MTHFD1L: variants seen among roughly 807,000 people sequenced by gnomAD.
MTHFD1L encodes the protein methylenetetrahydrofolate dehydrogenase (NADP+ dependent) 1 like.
A neutral mutation model predicts 119.5 loss-of-function variants in MTHFD1L; 81 were observed. The observed-to-expected ratio is 0.68, with a 90% CI of 0.57 to 0.82. The LOEUF is 0.82. MTHFD1L is among the 40% of genes least tolerant of loss of function. MTHFD1L has a pLI of 0.00. For missense variants in MTHFD1L, 1,125 were observed against 1,253.4 expected (o/e 0.90, Z 1.55); for synonymous variants, 430 against 475.2 (o/e 0.90, Z 1.24).
rs1485227762 is a variant in MTHFD1L, at chr6:151,092,453, G to A, written c.2848-14G>A. The A allele has an allele frequency of 1.2e-6, 2 of 1,604,432 alleles. No individual in the cohort carries two copies. Among genetic ancestry groups the A allele is most frequent in the Non-Finnish European group, 1.7e-6 (2 of 1,176,164 alleles). On this transcript the variant is annotated splice_polypyrimidine_tract_variant and intron_variant, in intron 26 of 27. Coordinates refer to ENST00000367321, the MANE Select transcript of MTHFD1L (RefSeq NM_015440.5). ...AGCATTTGCTAATCTGTAACGCTTG[G>A]TTTTCTCCCCCAGATGAGCACCATG...
chr6:151,094,687 G>T (rs532188934), intron 27 of MTHFD1L, among the ~76,000 whole-genome samples: 2 of 152,036 alleles, frequency 1.3e-5, no homozygotes, highest in Admixed American at 6.6e-5. Context: ...GGGATTACAG[G>T]CGTCCACCAC....
At chr6:150,912,724 C>G (rs537139126) in intron 8 of MTHFD1L, 1 of 513,406 alleles carries the variant, frequency 1.9e-6, no homozygotes, top group Non-Finnish European at 4.0e-6. Context: ...ATTGACTTGT[C>G]CCTGGAGAAA....
chr6:150,948,260 G>T (rs560028765), intron 15 of MTHFD1L, among the ~76,000 whole-genome samples: 2 of 151,534 alleles, frequency 1.3e-5, no homozygotes, highest in African/African-American at 4.8e-5. Context: ...GCCCACCTCC[G>T]CCTCCCAAAG....
rs540616489 is a variant in MTHFD1L, at chr6:150,989,608, A to G, written c.2125+17550A>G. Among the ~76,000 whole-genome samples, 5 of 152,300 alleles carry G rather than the reference A, an allele frequency of 3.3e-5. No homozygotes were observed. In the East Asian group the frequency reaches 9.6e-4, roughly 29 times the overall value. ...ATGTCAATAGTTTTCTTTTTTTGTT[A>G]GCCATAAATACATACTGTAATAGAG... On this transcript the variant is annotated intron_variant, in intron 20 of 27. Coordinates refer to ENST00000367321, the MANE Select transcript of MTHFD1L (RefSeq NM_015440.5).
At chr6:151,050,976 A>G (rs1334838566) in intron 26 of MTHFD1L, among the ~76,000 whole-genome samples, 1 of 152,118 alleles carries the variant, frequency 6.6e-6, no homozygotes, top group African/African-American at 2.4e-5. Flanking sequence ...GTCTTGTTCA[A>G]GGATTTTTGT....
chr6:150,993,160 T>TGCC (rs1288664322), intron 20 of MTHFD1L, among the ~76,000 whole-genome samples: 22 of 152,200 alleles, frequency 1.4e-4, no homozygotes, highest in Non-Finnish European at 8.8e-5. Flanking sequence ...AGTAGATTGT[T>TGCC]TTTACTTTTC....
rs199978377 is a variant in MTHFD1L, at chr6:150,876,171, C to T, written c.309C>T (p.Ile103=). ...NPAFKPVLAI[I]QAGDDNLMQE... ...CCTTCAAGCCGGTTCTTGCAATTAT[C>T]CAGGTAAGCCGAGAACAAGGTTCAG... The change falls in exon 2 of 28, where the codon ATC becomes ATT. Residue 103 remains isoleucine (I), a synonymous_variant. Coordinates refer to ENST00000367321, the MANE Select transcript of MTHFD1L (RefSeq NM_015440.5). 4.5e-5 allele frequency: 72 copies of T among 1,585,510 alleles called. No individual in the cohort carries two copies. In the Middle Eastern group the frequency reaches 9.5e-4, roughly 21 times the overall value.
rs764749026 is a variant in MTHFD1L at position 151,094,566 on chromosome 6, CAG to C, written c.*31+1982_*31+1983del. The stretch of plus-strand genomic sequence containing the variant: ...TATTTATGTATTTATTTATTTGCGA[CAG>C]AGTCTTACTCTGTTGCCAAGGCTGG... On this transcript the variant is annotated intron_variant, in intron 27 of 27. Transcript: ENST00000367321. 4.6e-5 allele frequency among the ~76,000 whole-genome samples: 7 copies of C among 151,920 alleles called. No homozygotes were observed. The East Asian group carries it at 5.8e-4, about 13-fold the overall frequency.
chr6:150,915,153 C>T (rs1787636844), intron 8 of MTHFD1L, among the ~76,000 whole-genome samples: 1 of 152,192 alleles, frequency 6.6e-6, no homozygotes, highest in Non-Finnish European at 1.5e-5. Flanking sequence ...TAAACCAATC[C>T]TGTCCAAACC....
Position 151,039,438 on chromosome 6 carries a change from A to G in MTHFD1L, c.2847+2321A>G, listed in dbSNP as rs1292576022. The stretch of plus-strand genomic sequence containing the variant: ...TGGCTATATACATTCTTCCAGACTC[A>G]TAGACCTATTCACGTGTGTTGCCCA... On this transcript the variant is annotated intron_variant, in intron 26 of 27. Coordinates refer to ENST00000367321, the MANE Select transcript of MTHFD1L (RefSeq NM_015440.5). This position sits in a 1 kb window ranked among gnomAD's most constrained non-coding sequence, Gnocchi z 4.4. Among the ~76,000 whole-genome samples, 1 of 152,150 alleles carries G rather than the reference A, an allele frequency of 6.6e-6. No individual in the cohort carries two copies. Among genetic ancestry groups the G allele is most frequent in the African/African-American group, 2.4e-5 (1 of 41,432 alleles).
intron 26 of MTHFD1L, among the ~76,000 whole-genome samples, chr6:151,076,532 T>C (rs1225376185): frequency 6.6e-6 from 1 of 151,386 alleles, no homozygotes; most frequent in Non-Finnish European, 1.5e-5. Context: ...ACGCCTGTAA[T>C]CCCAGCTACT....
intron 7 of MTHFD1L, among the ~76,000 whole-genome samples, chr6:150,902,131 T>C (rs1294264970): frequency 6.6e-6 from 1 of 152,184 alleles, no homozygotes; most frequent in Non-Finnish European, 1.5e-5. Flanking sequence ...ATGCATTTTA[T>C]TTGCTAAATA....
intron 26 of MTHFD1L, chr6:151,042,119 C>G (rs1478885549): frequency 2.2e-5 from 5 of 230,210 alleles, no homozygotes; most frequent in Non-Finnish European, 3.5e-5. Context: ...AACTGAAGCC[C>G]CCAGCACAAG....
At chr6:150,959,678 G>A (rs1796149118) in intron 17 of MTHFD1L, among the ~76,000 whole-genome samples, 1 of 152,218 alleles carries the variant, frequency 6.6e-6, no homozygotes, top group Non-Finnish European at 1.5e-5. Flanking sequence ...TGGGAAAGTA[G>A]CCTCACATGC....
At chr6:151,062,321 C>T (rs551742070) in intron 26 of MTHFD1L, among the ~76,000 whole-genome samples, 21 of 152,126 alleles carry the variant, frequency 1.4e-4, no homozygotes, top group Admixed American at 4.6e-4. Flanking sequence ...ACCTGTAGTC[C>T]CAGCTACTCG....
intron 26 of MTHFD1L, among the ~76,000 whole-genome samples, chr6:151,057,787 T>G (rs561083877): frequency 4.3e-4 from 65 of 152,232 alleles, no homozygotes; most frequent in African/African-American, 1.5e-3. Context: ...GACCTTTTGT[T>G]TGTTTGTTTG....
At chr6:150,898,397 A>T (rs553283959) in intron 7 of MTHFD1L, among the ~76,000 whole-genome samples, 1 of 152,184 alleles carries the variant, frequency 6.6e-6, no homozygotes, top group East Asian at 1.9e-4. Context: ...TCAATTCCTC[A>T]CTTTTCAAAG....
chr6:150,934,842 A>G (rs1335116377), intron 11 of MTHFD1L: 7 of 1,226,846 alleles, frequency 5.7e-6, no homozygotes, highest in East Asian at 2.4e-5. Flanking sequence ...ATGCCTGCCA[A>G]TGCTTTCTCA....
At chr6:151,038,188 C>G (rs1786481878) in intron 26 of MTHFD1L, among the ~76,000 whole-genome samples, 2 of 152,140 alleles carry the variant, frequency 1.3e-5, no homozygotes, top group Admixed American at 6.5e-5. Flanking sequence ...ACAGAGGTAT[C>G]TGGAGAGCAC....
Sources: gnomAD v4.1 joint callset for allele counts (sites outside exome capture counted in the v4.1 genomes callset) on GRCh38, gnomAD v4.1.1 for gene constraint, Gnocchi (gnomAD v3.1) non-coding constraint, MANE v1.5 for transcripts, NCBI Gene and HGNC (gene_info 2026-07-23, HGNC 2026-07-21) for gene names.